CMAS: variants seen among roughly 807,000 people sequenced by gnomAD.
CMAS encodes the protein cytidine monophosphate N-acetylneuraminic acid synthetase.
CMAS carries 21 observed loss-of-function variants against 53.4 expected under a neutral mutation model. That is an observed-to-expected ratio of 0.39 (90% CI 0.28 to 0.57). The LOEUF (loss-of-function observed/expected upper bound fraction) is 0.57, where lower values mean the gene tolerates loss of function less well. Among genes scored for constraint, CMAS ranks in the 20% least tolerant of loss-of-function variants. The pLI is 0.56. For missense variants in CMAS, 384 were observed against 534.9 expected, an observed-to-expected ratio of 0.72 and a Z score of 2.78; for synonymous variants, 189 against 195.2, an observed-to-expected ratio of 0.97 and a Z score of 0.27.
intron 3 of CMAS, among the ~76,000 whole-genome samples, chr12:22,056,756 A>T (rs1591793678): frequency 6.6e-6 from 1 of 152,160 alleles, no homozygotes; most frequent in African/African-American, 2.4e-5. Flanking sequence ...TCTGTAACTC[A>T]AGTCCACAAG....
intron 1 of CMAS, among the ~76,000 whole-genome samples, chr12:22,050,837 T>G (rs1416969669): frequency 6.6e-6 from 1 of 152,016 alleles, no homozygotes; most frequent in Non-Finnish European, 1.5e-5. Flanking sequence ...AAGCTAAGCT[T>G]CTTATGAGCA....
At chr12:22,063,063 CACTT>C (rs1165061224) in intron 7 of CMAS, among the ~76,000 whole-genome samples, 2 of 152,184 alleles carry the variant, frequency 1.3e-5, no homozygotes, top group South Asian at 4.1e-4. Context: ...TTAAGCAATA[CACTT>C]ACTTACCAGG....
At chr12:22,053,589 C>G (rs931968656) in intron 1 of CMAS, among the ~76,000 whole-genome samples, 1 of 150,372 alleles carries the variant, frequency 6.7e-6, no homozygotes, top group Non-Finnish European at 1.5e-5. Context: ...ACTATTAAAA[C>G]ATGGTGGGGG....
chr12:22,046,251 T>G lies in CMAS; in HGVS notation c.-53T>G. ...ATCGGGCGGCGCCGAGCTGAGGTGG[T>G]GAGGGACTAGCTCCCGGATGTGGAG... On this transcript the variant is annotated 5_prime_UTR_variant, in exon 1 of 8. Transcript: ENST00000229329. 2.2e-6 allele frequency: 3 copies of G among 1,390,692 alleles called. No homozygotes were observed. Among genetic ancestry groups the G allele is most frequent in the Non-Finnish European group, 2.8e-6 (3 of 1,069,356 alleles). 86.1% of individuals were successfully genotyped at this position (1,390,692 alleles called of 1,614,324 possible). A position where few individuals can be genotyped will look rare whatever the true frequency, so the allele number is the denominator to read the frequency against.
At position 22,046,256 on chromosome 12, in the gene CMAS, G is replaced by A. The variant is rs776610235; in HGVS notation, c.-48G>A. The A allele has an allele frequency of 1.4e-5, 19 of 1,406,284 alleles. No homozygotes were observed. The highest frequency in any genetic ancestry group is 1.7e-5 in the Non-Finnish European group (18 of 1,077,448). The allele number at this position is 1,406,284 out of a possible 1,614,324, so 87.1% of individuals were successfully genotyped here. A position where few individuals can be genotyped will look rare whatever the true frequency, so the allele number is the denominator to read the frequency against. On this transcript the variant is annotated 5_prime_UTR_variant, in exon 1 of 8. Transcript: ENST00000229329. ...GCGGCGCCGAGCTGAGGTGGTGAGG[G>A]ACTAGCTCCCGGATGTGGAGAAGCT...
intron 3 of CMAS, among the ~76,000 whole-genome samples, chr12:22,058,092 C>T (rs1950280842): frequency 6.6e-6 from 1 of 151,574 alleles, no homozygotes; most frequent in Non-Finnish European, 1.5e-5. Flanking sequence ...CTCCACAGTG[C>T]TGGGATTACA....
chr12:22,063,595 ACT>A (rs762202898), intron 7 of CMAS, among the ~76,000 whole-genome samples: 1 of 152,006 alleles, frequency 6.6e-6, no homozygotes, highest in Non-Finnish European at 1.5e-5. Context: ...TATAGGTAAA[ACT>A]CTAGAATTAT....
At chr12:22,060,133 T>C (rs891619574) in intron 4 of CMAS, among the ~76,000 whole-genome samples, 3 of 151,796 alleles carry the variant, frequency 2.0e-5, no homozygotes, top group Admixed American at 6.6e-5. Flanking sequence ...TTTTGGATGA[T>C]GACAGGAGAG....
At chr12:22,057,897 G>C (rs1021156696) in intron 3 of CMAS, among the ~76,000 whole-genome samples, 1 of 150,082 alleles carries the variant, frequency 6.7e-6, no homozygotes, top group Admixed American at 6.7e-5. Flanking sequence ...GCGCAATCTC[G>C]GCTCACTGCA....
At chr12:22,065,000 T>A (rs1391234715) in intron 7 of CMAS, 121 bp from the exon 8 acceptor site, 1 of 653,812 alleles carries the variant, frequency 1.5e-6, no homozygotes, top group Non-Finnish European at 2.6e-6. Flanking sequence ...TATTCTTATA[T>A]GCAGTGCCCC....
Position 22,050,085 on chromosome 12 carries a change from C to G in CMAS, c.260+3522C>G, listed in dbSNP as rs576081353. On this transcript the variant is annotated intron_variant, in intron 1 of 7. Transcript: ENST00000229329. ...GTAATAGAAGGGACCAGCACTTCTTCCTCCATGAAGCCTTTACTGATCCCC... is the reference window on the plus strand; with the variant it reads ...GTAATAGAAGGGACCAGCACTTCTTGCTCCATGAAGCCTTTACTGATCCCC... 5.3e-5 allele frequency among the ~76,000 whole-genome samples: 8 copies of G among 152,278 alleles called. 1 individual carries two copies. Among genetic ancestry groups the G allele is most frequent in the African/African-American group, 1.7e-4 (7 of 41,544 alleles).
Position 22,060,867 on chromosome 12 carries a change from A to T in CMAS, c.729A>T (p.Glu243Asp), listed in dbSNP as rs1166325696. Reference sequence around the variant, plus strand: ...TGGCATACTACGAAATGCGAGCTGAACATAGTGTGGATATAGATGTGGATA... The same window carrying T: ...TGGCATACTACGAAATGCGAGCTGATCATAGTGTGGATATAGATGTGGATA... ...GKMAYYEMRA[E>D]HSVDIDVDID... is the part of the protein sequence containing the mutation. The change falls in exon 5 of 8, where the codon GAA becomes GAT. Residue 243 changes from glutamate (E) to aspartate (D), a missense_variant. Coordinates refer to ENST00000229329, the MANE Select transcript of CMAS (RefSeq NM_018686.6). 4.7e-5 allele frequency: 75 copies of T among 1,612,102 alleles called. No homozygotes were observed. The highest frequency in any genetic ancestry group is 6.0e-5 in the Non-Finnish European group (71 of 1,178,524).
Position 22,065,348 on chromosome 12 carries a change from T to G in CMAS, c.*37T>G, listed in dbSNP as rs999594798. The G allele has an allele frequency of 6.6e-7, 1 of 1,511,570 alleles. No individual in the cohort carries two copies. Among genetic ancestry groups the G allele is most frequent in the Admixed American group, 1.8e-5 (1 of 56,606 alleles). 93.6% of individuals were successfully genotyped at this position (1,511,570 alleles called of 1,614,324 possible). On this transcript the variant is annotated 3_prime_UTR_variant, in exon 8 of 8. Transcript: ENST00000229329. ...ATATTGAGAAAAAAATGATACAGCC[T>G]TCTTCAGCCAGTTTGCTTTTATTTT...
intron 3 of CMAS, among the ~76,000 whole-genome samples, chr12:22,056,686 AG>A (rs1365634317): frequency 6.6e-6 from 1 of 152,156 alleles, no homozygotes; most frequent in Non-Finnish European, 1.5e-5. Flanking sequence ...AAGTCTTGTA[AG>A]GGGGAAGCAT....
rs777672048 is a variant in CMAS at position 22,061,464 on chromosome 12, C to T, written c.960+12C>T. ...AAAGTGGTATTGAGGTATGTGCTCCCTGAATATAGCAGTATTTTATAATAT... is the reference window on the plus strand; with the variant it reads ...AAAGTGGTATTGAGGTATGTGCTCCTTGAATATAGCAGTATTTTATAATAT... On this transcript the variant is annotated intron_variant, in intron 6 of 7. Transcript: ENST00000229329. The T allele has an allele frequency of 4.0e-6, 6 of 1,491,972 alleles. No individual in the cohort carries two copies. In the African/African-American group the frequency reaches 8.5e-5, roughly 21 times the overall value. The allele number at this position is 1,491,972 out of a possible 1,614,324, so 92.4% of individuals were successfully genotyped here. A position where few individuals can be genotyped will look rare whatever the true frequency, so the allele number is the denominator to read the frequency against.
At chr12:22,064,939 C>T (rs1056940721) in intron 7 of CMAS, among the ~76,000 whole-genome samples, 182 bp from the exon 8 acceptor site, 1 of 152,080 alleles carries the variant, frequency 6.6e-6, no homozygotes, top group Non-Finnish European at 1.5e-5. Context: ...TTAGGGAAAA[C>T]CCTGGACCTC....
At chr12:22,060,950 A>C (rs1487018122) in intron 5 of CMAS, 24 bp downstream of exon 5, 2 of 1,276,442 alleles carry the variant, frequency 1.6e-6, no homozygotes, top group South Asian at 2.4e-5. Context: ...AACCTTTATA[A>C]CCTTTGTACT....
chr12:22,062,275 T>A lies in CMAS; in HGVS notation c.961-6T>A. 3.3e-6 allele frequency: 5 copies of A among 1,528,826 alleles called. No individual in the cohort carries two copies. Among genetic ancestry groups the A allele is most frequent in the Non-Finnish European group, 4.4e-6 (5 of 1,144,192 alleles). 94.7% of individuals were successfully genotyped at this position (1,528,826 alleles called of 1,614,324 possible). A position where few individuals can be genotyped will look rare whatever the true frequency, so the allele number is the denominator to read the frequency against. On this transcript the variant is annotated splice_polypyrimidine_tract_variant and splice_region_variant and intron_variant, in intron 6 of 7. Coordinates refer to ENST00000229329, the MANE Select transcript of CMAS (RefSeq NM_018686.6). Reference sequence around the variant, plus strand: ...TCCTCCAATCCTTTTTTTTTTTTTTTTTAAGGTGAGGCTAATCTCAGAAAG... The same window carrying A: ...TCCTCCAATCCTTTTTTTTTTTTTTATTAAGGTGAGGCTAATCTCAGAAAG...
At chr12:22,053,377 A>G (rs976056113) in intron 1 of CMAS, among the ~76,000 whole-genome samples, 3 of 150,514 alleles carry the variant, frequency 2.0e-5, no homozygotes, top group Non-Finnish European at 4.4e-5. Context: ...GTGTGTGTGT[A>G]TATGTATACA....
Sources: allele counts gnomAD v4.1 joint callset (sites outside exome capture counted in the v4.1 genomes callset), GRCh38; gene constraint gnomAD v4.1.1; transcripts MANE v1.5; gene names NCBI Gene and HGNC (gene_info 2026-07-23, HGNC 2026-07-21).